The following GPR176 variants were observed in gnomAD, a reference collection of about 807,000 sequenced individuals.
GPR176 encodes the protein G protein-coupled receptor 176, also known as G-protein coupled receptor 176.
In GPR176, 26 loss-of-function variants were observed where a neutral mutation model predicts 35.4. That is an observed-to-expected ratio of 0.74 (90% CI 0.54 to 1.02). The LOEUF (loss-of-function observed/expected upper bound fraction) is 1.02, where lower values mean the gene tolerates loss of function less well. GPR176 is among the 50% of genes least tolerant of loss of function. The probability of loss-of-function intolerance (pLI) is 0.00; values close to 1 mark genes in which losing one functional copy is unlikely to be tolerated. For missense variants in GPR176, 597 were observed against 665.3 expected (o/e 0.90, Z 1.13); for synonymous variants, 278 against 271.3 (o/e 1.02, Z -0.24).
At chr15:39,898,519 G>A (rs910154028) in intron 1 of GPR176, among the ~76,000 whole-genome samples, 6 of 152,194 alleles carry the variant, frequency 3.9e-5, no homozygotes, top group African/African-American at 1.4e-4. Flanking sequence ...GATAGCCAGT[G>A]AACAAAGCAG....
chr15:39,856,775 T>C (rs1028265537), intron 1 of GPR176, among the ~76,000 whole-genome samples: 2 of 152,188 alleles, frequency 1.3e-5, no homozygotes, highest in African/African-American at 4.8e-5. Context: ...GATGAATACA[T>C]TGGAGATGGG....
intron 1 of GPR176, among the ~76,000 whole-genome samples, chr15:39,821,252 C>G (rs1302980921): frequency 1.3e-5 from 2 of 152,136 alleles, no homozygotes; most frequent in East Asian, 3.8e-4. Context: ...GGAGATGTGA[C>G]CTCTTATTTT....
chr15:39,894,425 G>A lies in GPR176; in HGVS notation c.172+25430C>T, dbSNP rs936790602. 8.7e-5 allele frequency: 14 copies of A among 161,534 alleles called. No homozygotes were observed. The South Asian group carries it at 1.9e-3, about 22-fold the overall frequency. 10.0% of individuals were successfully genotyped at this position (161,534 alleles called of 1,614,324 possible). On this transcript the variant is annotated intron_variant, in intron 1 of 2. Coordinates refer to ENST00000561100, the MANE Select transcript of GPR176 (RefSeq NM_007223.3). ...CGGAGACACTCCTCACTTCCCAGAC[G>A]GGGCGGCTGCCGGGCGGAGGGGCTC...
chr15:39,897,338 A>T (rs947439914), intron 1 of GPR176, among the ~76,000 whole-genome samples: 1 of 152,256 alleles, frequency 6.6e-6, no homozygotes, highest in African/African-American at 2.4e-5. Context: ...CCTGAAAGCA[A>T]GGGCATTCCT....
chr15:39,803,917 A>G (rs2140776860), intron 2 of GPR176, among the ~76,000 whole-genome samples: 1 of 152,320 alleles, frequency 6.6e-6, no homozygotes, highest in South Asian at 2.1e-4. Context: ...GAGCATGGTA[A>G]GATATGTTCT....
intron 1 of GPR176, among the ~76,000 whole-genome samples, chr15:39,832,654 A>AACACACACACACAC (rs112693906): frequency 0.055 from 7,971 of 145,092 alleles, 299 homozygotes; most frequent in East Asian, 0.13. Flanking sequence ...TGATGAGCTA[A>AACACACACACACAC]ACACACACAC....
In GPR176 at chr15:39,800,286, C is replaced by T; in HGVS notation, c.*846G>A. Reference sequence around the variant, plus strand: ...GATCATAGGGAAGAAAAAAAAACTACAGCGCCATAGGCATCTCTCAGGCAT... The same window carrying T: ...GATCATAGGGAAGAAAAAAAAACTATAGCGCCATAGGCATCTCTCAGGCAT... On this transcript the variant is annotated 3_prime_UTR_variant, in exon 3 of 3. Coordinates refer to ENST00000561100, the MANE Select transcript of GPR176 (RefSeq NM_007223.3). 1 of 152,152 alleles carries T rather than the reference C, an allele frequency of 6.6e-6. No homozygotes were observed. The highest frequency in any genetic ancestry group is 1.5e-5 in the Non-Finnish European group (1 of 68,028). The allele number at this position is 152,152 out of a possible 1,614,324, so 9.4% of individuals were successfully genotyped here.
chr15:39,839,484 G>A (rs1435639261), intron 1 of GPR176, among the ~76,000 whole-genome samples: 2 of 152,042 alleles, frequency 1.3e-5, no homozygotes, highest in African/African-American at 2.4e-5. Context: ...AATTCAAGAT[G>A]GATTAAAGGC....
intron 1 of GPR176, among the ~76,000 whole-genome samples, chr15:39,842,347 T>C (rs1595470703): frequency 6.6e-6 from 1 of 152,114 alleles, no homozygotes; most frequent in African/African-American, 2.4e-5. Flanking sequence ...GGGAGAACTC[T>C]GTCACAAGAC....
chr15:39,881,193 A>G (rs1206956998), intron 1 of GPR176, among the ~76,000 whole-genome samples: 3 of 152,214 alleles, frequency 2.0e-5, no homozygotes, highest in Non-Finnish European at 4.4e-5. Flanking sequence ...ATAATGAATT[A>G]TAACTTAGTT....
At chr15:39,891,539 A>C (rs937702280) in intron 1 of GPR176, among the ~76,000 whole-genome samples, 1 of 152,106 alleles carries the variant, frequency 6.6e-6, no homozygotes, top group Non-Finnish European at 1.5e-5. Flanking sequence ...TGGTCTCACT[A>C]TGTTTCCCAG....
At chr15:39,897,800 T>C (rs1234282386) in intron 1 of GPR176, among the ~76,000 whole-genome samples, 1 of 152,198 alleles carries the variant, frequency 6.6e-6, no homozygotes, top group Admixed American at 6.5e-5. Context: ...ATTCAATTTA[T>C]CTCAGGTCCT....
intron 1 of GPR176, among the ~76,000 whole-genome samples, chr15:39,816,610 G>C (rs1458316524): frequency 6.6e-6 from 1 of 152,212 alleles, no homozygotes; most frequent in Non-Finnish European, 1.5e-5. Flanking sequence ...CTGGCTGATA[G>C]TGTTTTAAAT....
chr15:39,876,182 A>T (rs984018467), intron 1 of GPR176, among the ~76,000 whole-genome samples: 5 of 151,972 alleles, frequency 3.3e-5, no homozygotes, highest in Admixed American at 6.6e-5. Flanking sequence ...ACATATTTTT[A>T]AAAAAAGAAG....
At chr15:39,807,573 C>T (rs1899279530) in intron 1 of GPR176, 1 of 1,505,660 alleles carries the variant, frequency 6.6e-7, no homozygotes, top group African/African-American at 1.4e-5. Context: ...ATTACTTAAT[C>T]CCAGGCAGTC....
intron 1 of GPR176, among the ~76,000 whole-genome samples, chr15:39,816,944 C>T (rs947254657): frequency 4.0e-5 from 6 of 151,708 alleles, no homozygotes; most frequent in Non-Finnish European, 8.8e-5. Flanking sequence ...TGGCATGCAC[C>T]TGTAGTCCCA....
chr15:39,843,313 T>C (rs1482305409), intron 1 of GPR176, among the ~76,000 whole-genome samples: 1 of 152,032 alleles, frequency 6.6e-6, no homozygotes, highest in African/African-American at 2.4e-5. Context: ...TAGTACAAAA[T>C]GGCCTCAATC....
In GPR176 at chr15:39,811,876, A is replaced by G. The variant is rs529631193; in HGVS notation, c.173-4618T>C. ...GCTTGCAGTGAGCCGAGATTGCGCC[A>G]TTGCACTCCAGCCTGGGTGACAGAG... On this transcript the variant is annotated intron_variant, in intron 1 of 2. Transcript: ENST00000561100. Among the ~76,000 whole-genome samples the G allele has an allele frequency of 3.1e-3, 468 of 151,598 alleles. 3 individuals carry two copies. Among genetic ancestry groups the G allele is most frequent in the Non-Finnish European group, 4.1e-3 (279 of 67,902 alleles).
At chr15:39,804,185 C>A (rs1433525410) in intron 2 of GPR176, among the ~76,000 whole-genome samples, 3 of 152,152 alleles carry the variant, frequency 2.0e-5, no homozygotes, top group Non-Finnish European at 2.9e-5. Flanking sequence ...AACATAAGCA[C>A]ACAGGCTCAC....
Sources: allele counts gnomAD v4.1 joint callset (sites outside exome capture counted in the v4.1 genomes callset), GRCh38; gene constraint gnomAD v4.1.1; transcripts MANE v1.5; gene names NCBI Gene and HGNC (gene_info 2026-07-23, HGNC 2026-07-21).